The following TMEM43 variants were observed in gnomAD, a reference collection of about 807,000 sequenced individuals.
TMEM43 encodes the protein arrhythmogenic right ventricular dysplasia 5.
A neutral mutation model predicts 49.6 loss-of-function variants in TMEM43; 45 were observed. The observed-to-expected ratio is 0.91, with a 90% CI of 0.71 to 1.16. The LOEUF is 1.16. TMEM43 is among the 50% of genes most tolerant of loss of function. The pLI is 0.00. For missense variants in TMEM43, 532 were observed against 516.6 expected, an observed-to-expected ratio of 1.03 and a Z score of -0.29; for synonymous variants, 199 against 207.8, an observed-to-expected ratio of 0.96 and a Z score of 0.36.
chr3:14,139,390 G>T, intron 11 of TMEM43, 93 bp downstream of exon 11: 1 of 913,430 alleles, frequency 1.1e-6, no homozygotes, highest in South Asian at 1.3e-5. Context: ...AGCCTGATGG[G>T]ATGGCCCTTG....
At chr3:14,125,244 C>A in intron 1 of TMEM43, 39 bp downstream of exon 1, 2 of 1,590,708 alleles carry the variant, frequency 1.3e-6, no homozygotes, top group Non-Finnish European at 1.7e-6. Flanking sequence ...ACCCAGGCTT[C>A]CCCGTCGCCC....
rs187262922 is a variant in TMEM43 at position 14,141,653 on chromosome 3, G to C, written c.1061G>C (p.Cys354Ser). 330 of 1,614,172 alleles carry C rather than the reference G, an allele frequency of 2.0e-4. No individual in the cohort carries two copies. The highest frequency in any genetic ancestry group is 7.8e-5 in the Non-Finnish European group (92 of 1,180,040). Reference sequence around the variant, plus strand: ...ATTGGCCTGAAAGCCTTTGCCTTCTGTGTGGCCACCTCGCTGACCCTGCTG... The same window carrying C: ...ATTGGCCTGAAAGCCTTTGCCTTCTCTGTGGCCACCTCGCTGACCCTGCTG... Reference protein sequence around the residue: ...VNIGLKAFAFCVATSLTLLTV... With the variant: ...VNIGLKAFAFSVATSLTLLTV... Residue 354 changes from cysteine (C) to serine (S), a missense_variant, in exon 12 of 12, where the codon TGT (cysteine) becomes TCT (serine). Cys to Ser is a moderately radical substitution (Grantham distance 112, BLOSUM62 -1). Transcript: ENST00000306077.
At chr3:14,134,606 C>G (rs765904040) in intron 7 of TMEM43, among the ~76,000 whole-genome samples, 164 bp from the exon 8 acceptor site, 1 of 152,146 alleles carries the variant, frequency 6.6e-6, no homozygotes, top group East Asian at 1.9e-4. Flanking sequence ...ATGGTCTAAC[C>G]CAGGGGAAGC....
In TMEM43 at chr3:14,132,527, T is replaced by C. The variant is rs1695110586; in HGVS notation, c.393-19T>C. 4 of 1,613,998 alleles carry C rather than the reference T, an allele frequency of 2.5e-6. No homozygotes were observed. The highest frequency in any genetic ancestry group is 3.4e-6 in the Non-Finnish European group (4 of 1,180,016). The stretch of plus-strand genomic sequence containing the variant: ...GGGCGACGAGGCTAACCCCCGTGGC[T>C]GCTTTGCTTTCCCTGCAGGGAGTAC... On this transcript the variant is annotated intron_variant, in intron 4 of 11. Coordinates refer to ENST00000306077, the MANE Select transcript of TMEM43 (RefSeq NM_024334.3).
Position 14,125,151 on chromosome 3 carries a change from T to G in TMEM43, c.-43T>G. On this transcript the variant is annotated 5_prime_UTR_variant, in exon 1 of 12. Transcript: ENST00000306077. ...ACGCTCCAGTCGTCAGCCCACTTCC[T>G]AGCTGAACAGCGCGAGGCGGCGGCA... 6.2e-7 allele frequency: 1 copy of G among 1,608,550 alleles called. No individual in the cohort carries two copies. The highest frequency in any genetic ancestry group is 8.5e-7 in the Non-Finnish European group (1 of 1,178,786).
At position 14,141,688 on chromosome 3, in the gene TMEM43, G is replaced by T; in HGVS notation, c.1096G>T (p.Ala366Ser). 6.2e-7 allele frequency: 1 copy of T among 1,614,190 alleles called. No individual in the cohort carries two copies. The highest frequency in any genetic ancestry group is 8.5e-7 in the Non-Finnish European group (1 of 1,180,044). Residue 366 changes from alanine to serine, a missense_variant, in exon 12 of 12, where the codon GCT (alanine) becomes TCT (serine). Physicochemically the swap from Ala to Ser is moderately conservative, Grantham distance 99 (BLOSUM62 1). Coordinates refer to ENST00000306077, the MANE Select transcript of TMEM43 (RefSeq NM_024334.3). ...ATSLTLLTVA[A>S]GWLFYRPLWA... is the part of the protein sequence containing the mutation. ...CTCGCTGACCCTGCTGACCGTGGCG[G>T]CTGGCTGGCTCTTCTACCGACCCCT...
Position 14,129,167 on chromosome 3 carries a change from G to A in TMEM43, c.13-245G>A, listed in dbSNP as rs552164666. On this transcript the variant is annotated intron_variant, in intron 1 of 11. Coordinates refer to ENST00000306077, the MANE Select transcript of TMEM43 (RefSeq NM_024334.3). The stretch of plus-strand genomic sequence containing the variant: ...GGAGAGGGGGAGAATTGGCAGGAAA[G>A]GGGCACAAAGAAACTTTTTGGGGTG... The A allele has an allele frequency of 1.5e-4, 63 of 416,342 alleles. No individual in the cohort carries two copies. The East Asian group carries it at 3.2e-3, about 21-fold the overall frequency. 25.8% of individuals were successfully genotyped at this position (416,342 alleles called of 1,614,324 possible).
At chr3:14,136,244 A>T (rs75263282) in intron 10 of TMEM43, among the ~76,000 whole-genome samples, 2 of 152,208 alleles carry the variant, frequency 1.3e-5, no homozygotes, top group Admixed American at 1.3e-4. Flanking sequence ...CATGGGGTCA[A>T]GTGTGGGATT....
chr3:14,135,828 C>T lies in TMEM43; in HGVS notation c.802C>T (p.Arg268Trp), dbSNP rs201138253. ...AHVVTVIARQ[R>W]GDQLVPFSTK... ...CCAGGTCACTGTGATTGCCCGGCAG[C>T]GGGGTGACCAGCTAGTCCCATTCTC... Residue 268 changes from arginine to tryptophan, a missense_variant, in exon 10 of 12, where the codon CGG becomes TGG. By Grantham distance (101) the Arg-to-Trp change is moderately radical. Transcript: ENST00000306077. 5.3e-5 allele frequency: 85 copies of T among 1,613,624 alleles called. 1 individual carries two copies. The Admixed American group carries it at 8.8e-4, about 17-fold the overall frequency.
In TMEM43 at chr3:14,133,817, T is replaced by C. The variant is rs377518739; in HGVS notation, c.583+8T>C. On this transcript the variant is annotated splice_region_variant and intron_variant, in intron 7 of 11. Transcript: ENST00000306077. ...GGTTTTTCCTCTCGTCAGGTAAGTC[T>C]CAGGCCTCTCCAGAGGAGCTCGTGC... is the stretch of plus-strand genomic sequence containing the variant. 8.7e-6 allele frequency: 14 copies of C among 1,613,794 alleles called. No individual in the cohort carries two copies. The Admixed American group carries it at 1.5e-4, about 17-fold the overall frequency.
intron 1 of TMEM43, among the ~76,000 whole-genome samples, chr3:14,128,067 T>G (rs1559359627): frequency 6.6e-6 from 1 of 152,180 alleles, no homozygotes; most frequent in Non-Finnish European, 1.5e-5. Flanking sequence ...AACTGTGTTC[T>G]TTGGTTCTCA....
At position 14,142,178 on chromosome 3, in the gene TMEM43, C is replaced by G. The variant is rs1186115123; in HGVS notation, c.*383C>G. On this transcript the variant is annotated 3_prime_UTR_variant, in exon 12 of 12. Coordinates refer to ENST00000306077, the MANE Select transcript of TMEM43 (RefSeq NM_024334.3). ...AAGGGCTCAGCCTTGCCGTGTGCTG[C>G]TTCTCATCACTGCACACAAGTGCCA... The G allele has an allele frequency of 3.3e-6, 1 of 299,564 alleles. No individual in the cohort carries two copies. Among genetic ancestry groups the G allele is most frequent in the African/African-American group, 2.2e-5 (1 of 46,436 alleles). The allele number at this position is 299,564 out of a possible 1,614,324, so 18.6% of individuals were successfully genotyped here.
chr3:14,136,147 A>G (rs1004421050), intron 10 of TMEM43: 1 of 615,466 alleles, frequency 1.6e-6, no homozygotes, highest in African/African-American at 1.8e-5. Context: ...GGGGATGAGA[A>G]CCAAGTCTAA....
chr3:14,138,625 C>T (rs1172402522), intron 10 of TMEM43, among the ~76,000 whole-genome samples: 2 of 152,078 alleles, frequency 1.3e-5, no homozygotes, highest in Non-Finnish European at 2.9e-5. Context: ...GGGAGAGGGC[C>T]AGAGCTGCAG....
chr3:14,132,030 T>G (rs1695102870), intron 4 of TMEM43, among the ~76,000 whole-genome samples: 1 of 149,570 alleles, frequency 6.7e-6, no homozygotes, highest in Admixed American at 6.7e-5. Context: ...TCCCATCAGC[T>G]GTGTTGGTCC....
intron 2 of TMEM43, 98 bp downstream of exon 2, chr3:14,129,659 C>A: frequency 7.4e-7 from 1 of 1,354,466 alleles, no homozygotes; most frequent in East Asian, 2.3e-5. Flanking sequence ...AATCAAGGGC[C>A]TAGATTTTAA....
At chr3:14,131,296 C>G (rs1055579414) in intron 3 of TMEM43, among the ~76,000 whole-genome samples, 2 of 152,252 alleles carry the variant, frequency 1.3e-5, no homozygotes, top group Non-Finnish European at 2.9e-5. Flanking sequence ...CCCTGGGCAC[C>G]AGAGCTTTCC....
In TMEM43 at chr3:14,142,764, C is replaced by G. The variant is rs1695268972; in HGVS notation, c.*969C>G. Reference sequence around the variant, plus strand: ...ATCAGCAAAAGGATTTGTTTTCACTCTGGGAGGAGAGGGTGGAGAAAGCAC... The same window carrying G: ...ATCAGCAAAAGGATTTGTTTTCACTGTGGGAGGAGAGGGTGGAGAAAGCAC... On this transcript the variant is annotated 3_prime_UTR_variant, in exon 12 of 12. Transcript: ENST00000306077. 1 of 152,634 alleles carries G rather than the reference C, an allele frequency of 6.6e-6. No homozygotes were observed. The allele number at this position is 152,634 out of a possible 1,614,324, so 9.5% of individuals were successfully genotyped here. A position where few individuals can be genotyped will look rare whatever the true frequency, so the allele number is the denominator to read the frequency against.
chr3:14,125,324 A>G (rs1016135408), intron 1 of TMEM43, 119 bp downstream of exon 1: 1 of 1,246,814 alleles, frequency 8.0e-7, no homozygotes, highest in Non-Finnish European at 1.1e-6. Flanking sequence ...CTAGGCCCGC[A>G]TCTCCCTCTG....
Sources: gnomAD v4.1 joint callset for allele counts (sites outside exome capture counted in the v4.1 genomes callset) on GRCh38, gnomAD v4.1.1 for gene constraint, MANE v1.5 for transcripts, NCBI Gene and HGNC (gene_info 2026-07-23, HGNC 2026-07-21) for gene names.